ADAMTS6: variants seen among roughly 807,000 people sequenced by gnomAD.
ADAMTS6 encodes the protein ADAM metallopeptidase with thrombospondin type 1 motif 6.
A neutral mutation model predicts 144.3 loss-of-function variants in ADAMTS6; 23 were observed. That is an observed-to-expected ratio of 0.16 (90% CI 0.11 to 0.23). The LOEUF is 0.23. Ranked by LOEUF, ADAMTS6 falls within the 10% of genes least tolerant of loss-of-function variation. The probability of loss-of-function intolerance (pLI) is 1.00; values close to 1 mark genes in which losing one functional copy is unlikely to be tolerated. For missense variants in ADAMTS6, 999 were observed against 1,379.6 expected (o/e 0.72, Z 4.37); for synonymous variants, 444 against 457.5 (o/e 0.97, Z 0.38).
At chr5:65,394,965 A>G (rs1561496953) in intron 7 of ADAMTS6, among the ~76,000 whole-genome samples, 2 of 152,170 alleles carry the variant, frequency 1.3e-5, no homozygotes, top group Admixed American at 1.3e-4. Flanking sequence ...AGAGCGTCAT[A>G]GAGAAAAAAA....
At chr5:65,431,706 C>T (rs1032916069) in intron 7 of ADAMTS6, among the ~76,000 whole-genome samples, 1 of 151,956 alleles carries the variant, frequency 6.6e-6, no homozygotes, top group Non-Finnish European at 1.5e-5. Context: ...AACATAATTG[C>T]CACATAGAGA....
intron 10 of ADAMTS6, among the ~76,000 whole-genome samples, chr5:65,297,845 T>C (rs1345398501): frequency 1.3e-5 from 2 of 152,150 alleles, no homozygotes; most frequent in Non-Finnish European, 2.9e-5. Flanking sequence ...TCTCTACCCA[T>C]TGTGCTTCAC....
intron 4 of ADAMTS6, among the ~76,000 whole-genome samples, chr5:65,453,317 C>G (rs181394343): frequency 3.8e-4 from 57 of 151,934 alleles, no homozygotes; most frequent in African/African-American, 1.3e-3. Flanking sequence ...GCTCTGATAG[C>G]CCTGATTTTG....
chr5:65,159,385 G>C (rs1314395297), intron 24 of ADAMTS6, among the ~76,000 whole-genome samples: 2 of 151,882 alleles, frequency 1.3e-5, no homozygotes, highest in African/African-American at 2.4e-5. Flanking sequence ...CACTACATGT[G>C]GAGTCTCCAA....
intron 7 of ADAMTS6, among the ~76,000 whole-genome samples, chr5:65,383,735 C>G (rs1561486601): frequency 6.6e-6 from 1 of 152,108 alleles, no homozygotes; most frequent in Non-Finnish European, 1.5e-5. Flanking sequence ...GGTCATTGCC[C>G]TAGTGGAGAC....
chr5:65,253,089 T>C (rs531333229), intron 14 of ADAMTS6, among the ~76,000 whole-genome samples: 12 of 151,952 alleles, frequency 7.9e-5, no homozygotes, highest in Admixed American at 2.0e-4. Context: ...TCTCTTGCCA[T>C]GTTGCCCAGG....
rs376448702 is a variant in ADAMTS6, at chr5:65,430,128, C to T, written c.1073+21347G>A. 2.6e-4 allele frequency among the ~76,000 whole-genome samples: 39 copies of T among 147,234 alleles called. 1 individual carries two copies. The highest frequency in any genetic ancestry group is 1.0e-3 in the Admixed American group (15 of 14,662). Reference sequence around the variant, plus strand: ...TTAGTTTTCTATTTCTGAATGAAGGCGAAGTTAATTTAAATAACAATAAAA... The same window carrying T: ...TTAGTTTTCTATTTCTGAATGAAGGTGAAGTTAATTTAAATAACAATAAAA... On this transcript the variant is annotated intron_variant, in intron 7 of 24. Coordinates refer to ENST00000381055, the MANE Select transcript of ADAMTS6 (RefSeq NM_197941.4).
At chr5:65,201,877 AACT>A (rs932529900) in intron 20 of ADAMTS6, among the ~76,000 whole-genome samples, 2 of 152,178 alleles carry the variant, frequency 1.3e-5, no homozygotes, top group Admixed American at 1.3e-4. Flanking sequence ...AACACTATAT[AACT>A]ACAGTATACA....
In ADAMTS6 at chr5:65,254,584, G is replaced by A. The variant is rs146161039; in HGVS notation, c.1830+6016C>T. On this transcript the variant is annotated intron_variant, in intron 14 of 24. Transcript: ENST00000381055. The stretch of plus-strand genomic sequence containing the variant: ...AGAAACACATAATAAGGGCTCCTAT[G>A]ATGCTGCACGTGGCCAAACTGAGCA... 1.4e-3 allele frequency among the ~76,000 whole-genome samples: 213 copies of A among 152,332 alleles called. 1 individual carries two copies. Among genetic ancestry groups the A allele is most frequent in the African/African-American group, 4.7e-3 (197 of 41,588 alleles).
At chr5:65,181,880 C>T (rs1443012887) in intron 22 of ADAMTS6, among the ~76,000 whole-genome samples, 1 of 152,188 alleles carries the variant, frequency 6.6e-6, no homozygotes, top group South Asian at 2.1e-4. Flanking sequence ...GTGCCACTCC[C>T]CTGCCTCCTT....
chr5:65,300,677 G>C (rs1743275335), intron 9 of ADAMTS6, among the ~76,000 whole-genome samples: 1 of 151,860 alleles, frequency 6.6e-6, no homozygotes, highest in Admixed American at 6.6e-5. Context: ...TGTCGTCCAG[G>C]CTGGAGTGCA....
chr5:65,170,505 A>G, intron 24 of ADAMTS6, 112 bp downstream of exon 24: 1 of 1,227,586 alleles, frequency 8.1e-7, no homozygotes, highest in Admixed American at 2.6e-5. Context: ...GCTTTCACAA[A>G]TGCTCTACTC....
intron 4 of ADAMTS6, among the ~76,000 whole-genome samples, chr5:65,458,020 C>T (rs1316164783): frequency 3.3e-5 from 5 of 151,674 alleles, no homozygotes; most frequent in Non-Finnish European, 7.4e-5. Flanking sequence ...CCACCGTGCC[C>T]GGCCTGAATC....
At chr5:65,164,272 A>G (rs1040056043) in intron 24 of ADAMTS6, among the ~76,000 whole-genome samples, 5 of 151,908 alleles carry the variant, frequency 3.3e-5, no homozygotes, top group African/African-American at 9.7e-5. Flanking sequence ...GGGGTGATGG[A>G]CGCAGCTGGA....
intron 7 of ADAMTS6, among the ~76,000 whole-genome samples, chr5:65,443,557 G>T (rs936472609): frequency 1.4e-5 from 2 of 146,070 alleles, no homozygotes; most frequent in African/African-American, 5.3e-5. Flanking sequence ...GGGAGGCAGG[G>T]GTTGCAATGA....
chr5:65,267,048 C>A (rs1314720517), intron 12 of ADAMTS6, among the ~76,000 whole-genome samples: 2 of 151,670 alleles, frequency 1.3e-5, no homozygotes, highest in Non-Finnish European at 2.9e-5. Context: ...TAGATTACAC[C>A]AAATAAAGCA....
intron 7 of ADAMTS6, among the ~76,000 whole-genome samples, chr5:65,354,724 C>G (rs192790342): frequency 6.6e-6 from 1 of 151,366 alleles, no homozygotes; most frequent in Admixed American, 6.6e-5. Flanking sequence ...TATTATGAAG[C>G]AGCTAACAAT....
At chr5:65,290,550 C>CA (rs199973462) in intron 11 of ADAMTS6, among the ~76,000 whole-genome samples, 43,975 of 148,454 alleles carry the variant, frequency 0.3, 6,646 homozygotes, top group Admixed American at 0.37. Flanking sequence ...GACTCTGTCT[C>CA]AAAAAAAAGA....
chr5:65,187,025 C>A (rs1417599554), intron 22 of ADAMTS6, among the ~76,000 whole-genome samples: 1 of 152,116 alleles, frequency 6.6e-6, no homozygotes, highest in Non-Finnish European at 1.5e-5. Context: ...TGTATTTTGA[C>A]AAATGTATGA....
Sources: gnomAD v4.1 joint callset for allele counts (sites outside exome capture counted in the v4.1 genomes callset) on GRCh38, gnomAD v4.1.1 for gene constraint, MANE v1.5 for transcripts, NCBI Gene and HGNC (gene_info 2026-07-23, HGNC 2026-07-21) for gene names.